The following ABCC1 variants were observed in gnomAD, a reference collection of about 807,000 sequenced individuals.
The protein encoded by ABCC1 is multidrug resistance-associated protein 1.
ABCC1 carries 83 observed loss-of-function variants against 172.9 expected under a neutral mutation model. The ratio of observed to expected loss-of-function variants is 0.48; its 90% CI spans 0.40 to 0.58. The LOEUF is 0.58. Among genes scored for constraint, ABCC1 ranks in the 20% least tolerant of loss-of-function variants. ABCC1 has a pLI of 0.00. For missense variants in ABCC1, 1,817 were observed against 2,002.7 expected (o/e 0.91, Z 1.77); for synonymous variants, 937 against 825.2 (o/e 1.14, Z -2.32).
intron 8 of ABCC1, among the ~76,000 whole-genome samples, chr16:16,044,939 G>A (rs2049140616): frequency 6.6e-6 from 1 of 152,090 alleles, no homozygotes; most frequent in African/African-American, 2.4e-5. Context: ...TGTGAGCCAT[G>A]GTCACTGCCT....
chr16:16,103,163 A>T (rs2051850098), intron 20 of ABCC1, among the ~76,000 whole-genome samples: 1 of 152,070 alleles, frequency 6.6e-6, no homozygotes, highest in Admixed American at 6.6e-5. Context: ...CACAGTGGGT[A>T]ACATAGCAAG....
chr16:16,093,178 G>A (rs1350493991), intron 19 of ABCC1, among the ~76,000 whole-genome samples: 1 of 151,804 alleles, frequency 6.6e-6, no homozygotes, highest in East Asian at 1.9e-4. Flanking sequence ...CCCGAGCAAT[G>A]CATTGTGGCA....
intron 1 of ABCC1, among the ~76,000 whole-genome samples, chr16:15,968,593 TCTCAAACTCATGAC>T (rs2046298917): frequency 6.6e-6 from 1 of 151,920 alleles, no homozygotes; most frequent in Non-Finnish European, 1.5e-5. Context: ...GCCAGGCTGG[TCTCAAACTCATGAC>T]CTCAAGTGAT....
Position 16,111,379 on chromosome 16 carries a change from A to T in ABCC1, c.2876A>T (p.Lys959Met). 1.9e-6 allele frequency: 3 copies of T among 1,614,072 alleles called. No individual in the cohort carries two copies. The highest frequency in any genetic ancestry group is 2.5e-6 in the Non-Finnish European group (3 of 1,179,962). Residue 959 changes from lysine (K) to methionine (M), a missense_variant, in exon 22 of 31, where the codon AAG becomes ATG. Lys to Met is a moderately conservative substitution (Grantham distance 95). Transcript: ENST00000399410. ...CTTATCTCCTGTGATCTCCAGGTCA[A>T]GCTTTCCGTGTACTGGGACTACATG... ...EADKAQTGQV[K>M]LSVYWDYMKA...
intron 28 of ABCC1, 134 bp from the exon 29 acceptor site, chr16:16,136,344 C>A (rs2045916698): frequency 1.0e-6 from 1 of 1,000,010 alleles, no homozygotes; most frequent in Non-Finnish European, 1.4e-6. Flanking sequence ...TTATTAACAT[C>A]TCCAGAAATA....
chr16:16,024,411 G>A (rs2048302020), intron 5 of ABCC1, among the ~76,000 whole-genome samples: 1 of 152,074 alleles, frequency 6.6e-6, no homozygotes, highest in East Asian at 1.9e-4. Context: ...GAGTGCGGTG[G>A]TGCCATCTCA....
chr16:16,035,283 G>C lies in ABCC1; in HGVS notation c.678-1189G>C, dbSNP rs45527735. On this transcript the variant is annotated intron_variant, in intron 6 of 30. Transcript: ENST00000399410. Reference sequence around the variant, plus strand: ...CGGGCAGCACACGCCTGTAATCCCAGCTACTTGGGAGGGTGAGGCAGGAGA... The same window carrying C: ...CGGGCAGCACACGCCTGTAATCCCACCTACTTGGGAGGGTGAGGCAGGAGA... 5.2e-3 allele frequency among the ~76,000 whole-genome samples: 785 copies of C among 152,078 alleles called. 14 individuals are homozygous for C. Among genetic ancestry groups the C allele is most frequent in the African/African-American group, 0.018 (758 of 41,484 alleles).
At chr16:16,007,101 C>A (rs767856227) in intron 1 of ABCC1, among the ~76,000 whole-genome samples, 2 of 152,092 alleles carry the variant, frequency 1.3e-5, no homozygotes, top group African/African-American at 2.4e-5. Context: ...AAATGGCTCT[C>A]TCCATCTTTC....
At chr16:16,064,231 T>A (rs975306554) in intron 12 of ABCC1, among the ~76,000 whole-genome samples, 2 of 152,146 alleles carry the variant, frequency 1.3e-5, no homozygotes, top group African/African-American at 4.8e-5. Context: ...TATGAAGGGC[T>A]TTTGCACCCT....
chr16:16,088,124 CGTGTGT>C (rs60633005), intron 18 of ABCC1, among the ~76,000 whole-genome samples: 3,643 of 126,830 alleles, frequency 0.029, 153 homozygotes, highest in African/African-American at 0.088. Context: ...TGTGTGTATG[CGTGTGT>C]GTGTGTGTGT....
At chr16:16,132,725 T>G (rs1428076458) in intron 27 of ABCC1, among the ~76,000 whole-genome samples, 1 of 151,434 alleles carries the variant, frequency 6.6e-6, no homozygotes, top group African/African-American at 2.4e-5. Flanking sequence ...TTTTGCCATG[T>G]TGGCCAGGGT....
chr16:16,028,504 T>C (rs1766824768), intron 5 of ABCC1, among the ~76,000 whole-genome samples: 1 of 152,134 alleles, frequency 6.6e-6, no homozygotes, highest in African/African-American at 2.4e-5. Flanking sequence ...TCACAGTGGG[T>C]AGAGGGCTTG....
intron 23 of ABCC1, among the ~76,000 whole-genome samples, chr16:16,117,872 A>G (rs2283513): frequency 0.48 from 73,259 of 151,944 alleles, 18,853 homozygotes; most frequent in Non-Finnish European, 0.57. Context: ...CATCACTGCA[A>G]TCCAGCCTGG....
At chr16:16,087,101 A>G (rs2051039986) in intron 18 of ABCC1, 110 bp downstream of exon 18, 9 of 1,255,784 alleles carry the variant, frequency 7.2e-6, no homozygotes, top group South Asian at 3.0e-5. Context: ...TTTGTTTTTA[A>G]TTGGACTTTA....
chr16:16,028,582 G>A (rs1272449642), intron 5 of ABCC1, among the ~76,000 whole-genome samples: 1 of 152,076 alleles, frequency 6.6e-6, no homozygotes, highest in East Asian at 1.9e-4. Flanking sequence ...TGGGCAGGAA[G>A]GTGTCAGCTC....
chr16:16,023,767 C>A (rs753279920), intron 5 of ABCC1, among the ~76,000 whole-genome samples: 1 of 152,066 alleles, frequency 6.6e-6, no homozygotes, highest in Non-Finnish European at 1.5e-5. Flanking sequence ...GGCTAGCATC[C>A]AGGGAGGAGA....
At chr16:16,108,025 A>G (rs982141111) in intron 21 of ABCC1, among the ~76,000 whole-genome samples, 8 of 151,970 alleles carry the variant, frequency 5.3e-5, no homozygotes, top group African/African-American at 1.9e-4. Context: ...CAGAGTCAGG[A>G]CCGTAACAAG....
intron 7 of ABCC1, among the ~76,000 whole-genome samples, 171 bp from the exon 8 acceptor site, chr16:16,044,279 C>T (rs111574873): frequency 6.0e-5 from 9 of 148,950 alleles, no homozygotes; most frequent in African/African-American, 1.3e-4. Flanking sequence ...CTCTGGAGCC[C>T]GTGGCTCTGG....
chr16:16,042,836 G>T (rs887866997), intron 7 of ABCC1, among the ~76,000 whole-genome samples: 1 of 152,076 alleles, frequency 6.6e-6, no homozygotes, highest in African/African-American at 2.4e-5. Flanking sequence ...TCACAGAGTT[G>T]TGCAGTCATC....
Sources: allele counts gnomAD v4.1 joint callset (sites outside exome capture counted in the v4.1 genomes callset), GRCh38; gene constraint gnomAD v4.1.1; transcripts MANE v1.5; gene names NCBI Gene and HGNC (gene_info 2026-07-23, HGNC 2026-07-21).